The following CEP89 variants were observed in gnomAD, a reference collection of about 807,000 sequenced individuals.
CEP89 encodes centrosomal protein 89.
A neutral mutation model predicts 97.6 loss-of-function variants in CEP89; 95 were observed. The observed-to-expected ratio is 0.97, with a 90% CI of 0.82 to 1.15. CEP89 has a LOEUF of 1.15. Ranked by LOEUF, CEP89 falls within the 50% of genes most tolerant of loss-of-function variation. CEP89 has a pLI of 0.00. For synonymous variants in CEP89, 354 were observed against 349.1 expected, an observed-to-expected ratio of 1.01 and a Z score of -0.16; for missense variants, 869 against 947.7, an observed-to-expected ratio of 0.92 and a Z score of 1.09.
At chr19:32,901,933 C>A (rs533776644) in intron 14 of CEP89, among the ~76,000 whole-genome samples, 4 of 151,780 alleles carry the variant, frequency 2.6e-5, no homozygotes, top group African/African-American at 9.7e-5. Flanking sequence ...CCACAAACTT[C>A]TTTGATGGTG....
In CEP89 at chr19:32,930,686, C is replaced by T. The variant is rs536557164; in HGVS notation, c.1029+743G>A. The stretch of plus-strand genomic sequence containing the variant: ...TCTGTAAGAGTAAGGACCTGAGCAT[C>T]GGTTCATCTGGCACTCCTCCCGGCA... On this transcript the variant is annotated intron_variant, in intron 9 of 18. Transcript: ENST00000305768. Among the ~76,000 whole-genome samples, 37 of 152,148 alleles carry T rather than the reference C, an allele frequency of 2.4e-4. No homozygotes were observed. In the South Asian group the frequency reaches 5.2e-3, roughly 21 times the overall value.
intron 1 of CEP89, among the ~76,000 whole-genome samples, chr19:32,968,155 G>A (rs1374618897): frequency 6.6e-6 from 1 of 152,148 alleles, no homozygotes; most frequent in Admixed American, 6.5e-5. Context: ...ACCTCTGTGT[G>A]GCACCTGCCA....
At chr19:32,920,656 A>G (rs1461028828) in intron 12 of CEP89, among the ~76,000 whole-genome samples, 1 of 151,018 alleles carries the variant, frequency 6.6e-6, no homozygotes, top group Admixed American at 6.6e-5. Flanking sequence ...GCTATTTTTT[A>G]TATTTTTAGT....
chr19:32,885,201 G>A (rs1969368861), intron 17 of CEP89, among the ~76,000 whole-genome samples: 2 of 152,160 alleles, frequency 1.3e-5, no homozygotes. Context: ...TACATTGTCA[G>A]AAAACATTTA....
rs1441337886 is a variant in CEP89 at position 32,878,011 on chromosome 19, C to G, written c.*1151G>C. On this transcript the variant is annotated 3_prime_UTR_variant, in exon 19 of 19. Coordinates refer to ENST00000305768, the MANE Select transcript of CEP89 (RefSeq NM_032816.5). ...GCCAGGCTGGTCTCGAACTCCTGGC[C>G]TCGGGTGATCCGCCTGCCTCGACCT... 1 of 152,154 alleles carries G rather than the reference C, an allele frequency of 6.6e-6. No homozygotes were observed. The highest frequency in any genetic ancestry group is 1.5e-5 in the Non-Finnish European group (1 of 68,054). The allele number at this position is 152,154 out of a possible 1,614,324, so 9.4% of individuals were successfully genotyped here.
intron 1 of CEP89, chr19:32,969,906 G>A (rs534532839): frequency 1.1e-4 from 17 of 152,390 alleles, no homozygotes; most frequent in African/African-American, 3.4e-4. Context: ...CTGCAGCAGC[G>A]GTTTGCGGCT....
intron 17 of CEP89, 25 bp downstream of exon 17, chr19:32,887,727 T>C: frequency 3.4e-6 from 5 of 1,464,692 alleles, no homozygotes; most frequent in Non-Finnish European, 4.8e-6. Context: ...GAAAATGAAA[T>C]CTCTGAGGCC....
At chr19:32,918,454 T>C in intron 12 of CEP89, 115 bp from the exon 13 acceptor site, 1 of 732,404 alleles carries the variant, frequency 1.4e-6, no homozygotes, top group Non-Finnish European at 2.4e-6. Context: ...TATCAAGTCA[T>C]GTCTTCATGT....
intron 1 of CEP89, chr19:32,970,309 G>C (rs958762883): frequency 6.6e-6 from 1 of 152,176 alleles, no homozygotes; most frequent in African/African-American, 2.4e-5. Flanking sequence ...GCCATAAGCT[G>C]TCAGTTGTGG....
intron 1 of CEP89, 72 bp downstream of exon 1, chr19:32,971,764 C>A: frequency 6.7e-7 from 1 of 1,487,584 alleles, no homozygotes; most frequent in Non-Finnish European, 9.2e-7. Context: ...CAAACCCCAA[C>A]CCGCCCCAAC....
chr19:32,971,869 G>A lies in CEP89; in HGVS notation c.6C>T (p.Leu2=). 6.3e-7 allele frequency: 1 copy of A among 1,590,314 alleles called. No homozygotes were observed. The change falls in exon 1 of 19, where the codon CTC becomes CTT. Residue 2 remains leucine (L), a synonymous_variant. Coordinates refer to ENST00000305768, the MANE Select transcript of CEP89 (RefSeq NM_032816.5). ...TCCTGCGGCCTCTCCGAAATCCCAG[G>A]AGCATCCTTGCAGCGCGAGGAGAAT... M[L]LGFRRGRRSH... is the part of the protein sequence containing the mutation.
At chr19:32,970,502 A>T (rs1296245870) in intron 1 of CEP89, 2 of 151,416 alleles carry the variant, frequency 1.3e-5, no homozygotes, top group African/African-American at 4.9e-5. Context: ...AAAAAAAAAA[A>T]TTATGTTTTT....
intron 2 of CEP89, among the ~76,000 whole-genome samples, chr19:32,961,533 C>T (rs2897033): frequency 0.23 from 33,753 of 144,944 alleles, 4,157 homozygotes; most frequent in Admixed American, 0.33. Flanking sequence ...GAGCCGAGAT[C>T]GCGCCACTGC....
At chr19:32,963,033 A>C (rs1971201371) in intron 2 of CEP89, among the ~76,000 whole-genome samples, 1 of 152,188 alleles carries the variant, frequency 6.6e-6, no homozygotes, top group Admixed American at 6.6e-5. Flanking sequence ...CACATGAAAA[A>C]AATGCTCAAT....
chr19:32,968,654 C>T (rs1312952257), intron 1 of CEP89, among the ~76,000 whole-genome samples: 1 of 152,024 alleles, frequency 6.6e-6, no homozygotes, highest in Non-Finnish European at 1.5e-5. Flanking sequence ...CCCCCTCATA[C>T]CATCACAATC....
Position 32,877,448 on chromosome 19 carries a change from G to A in CEP89, c.*1714C>T, listed in dbSNP as rs79065831. On this transcript the variant is annotated 3_prime_UTR_variant, in exon 19 of 19. Coordinates refer to ENST00000305768, the MANE Select transcript of CEP89 (RefSeq NM_032816.5). Reference sequence around the variant, plus strand: ...TCCCCAAGTCCCTCCAGCATGCCTGGGACTGAATGGTCCTGAGCGGCTGGG... The same window carrying A: ...TCCCCAAGTCCCTCCAGCATGCCTGAGACTGAATGGTCCTGAGCGGCTGGG... The A allele has an allele frequency of 0.098, 14,873 of 152,102 alleles. 919 individuals carry two copies. Among genetic ancestry groups the A allele is most frequent in the Middle Eastern group, 0.17 (49 of 294 alleles). The allele number at this position is 152,102 out of a possible 1,614,324, so 9.4% of individuals were successfully genotyped here. A position where few individuals can be genotyped will look rare whatever the true frequency, so the allele number is the denominator to read the frequency against.
At chr19:32,946,810 G>A (rs1209082379) in intron 5 of CEP89, among the ~76,000 whole-genome samples, 2 of 152,048 alleles carry the variant, frequency 1.3e-5, no homozygotes, top group African/African-American at 4.8e-5. Flanking sequence ...ATGACTGTGA[G>A]GCCTCCCCAG....
intron 16 of CEP89, among the ~76,000 whole-genome samples, chr19:32,892,968 G>T (rs1426199117): frequency 1.3e-5 from 2 of 152,056 alleles, no homozygotes; most frequent in East Asian, 3.8e-4. Context: ...AGATAAATAA[G>T]AGGAAAAATG....
At chr19:32,891,839 CAGAG>C (rs775484068) in intron 16 of CEP89, among the ~76,000 whole-genome samples, 4 of 143,346 alleles carry the variant, frequency 2.8e-5, no homozygotes, top group African/African-American at 5.1e-5. Flanking sequence ...GAGAGAGAAA[CAGAG>C]AGAGAGAGAG....
Sources: allele counts gnomAD v4.1 joint callset (sites outside exome capture counted in the v4.1 genomes callset), GRCh38; gene constraint gnomAD v4.1.1; transcripts MANE v1.5; gene names NCBI Gene and HGNC (gene_info 2026-07-23, HGNC 2026-07-21).